SACS: variants seen among roughly 807,000 people sequenced by gnomAD.
SACS encodes the protein sacsin.
SACS carries 197 observed loss-of-function variants against 348.0 expected under a neutral mutation model. The observed-to-expected ratio is 0.57, with a 90% CI of 0.50 to 0.64. SACS has a LOEUF of 0.64. Ranked by LOEUF, SACS falls within the 30% of genes least tolerant of loss-of-function variation. The pLI is 0.00. For synonymous variants in SACS, 1,985 were observed against 1,910.6 expected (o/e 1.04, Z -1.02); for missense variants, 4,999 against 5,360.8 (o/e 0.93, Z 2.11).
At chr13:23,371,869 G>A (rs571042062) in intron 3 of SACS, among the ~76,000 whole-genome samples, 1 of 152,346 alleles carries the variant, frequency 6.6e-6, no homozygotes, top group Non-Finnish European at 1.5e-5. Context: ...AAGATGCACA[G>A]AGGTAAGTAC....
chr13:23,423,694 C>T (rs969325614), intron 1 of SACS, among the ~76,000 whole-genome samples: 3 of 152,112 alleles, frequency 2.0e-5, no homozygotes, highest in Non-Finnish European at 2.9e-5. Flanking sequence ...TCCAAACACA[C>T]ATTTTGTGGA....
At position 23,355,895 on chromosome 13, in the gene SACS, T is replaced by G. The variant is rs1197760629; in HGVS notation, c.717A>C (p.Glu239Asp). ...QCWNLKDDSKEISELSDQFAP... is the reference protein window; with the variant it reads ...QCWNLKDDSKDISELSDQFAP... ...CAAACTGGTCTGAAAGTTCACTAATTTCTTTGCTGTCATCTTTGAGATTCC... is the reference window on the plus strand; with the variant it reads ...CAAACTGGTCTGAAAGTTCACTAATGTCTTTGCTGTCATCTTTGAGATTCC... The change falls in exon 8 of 10, where the codon GAA (glutamate) becomes GAC (aspartate). Residue 239 changes from glutamate to aspartate, a missense_variant. Glu to Asp is a conservative substitution (Grantham distance 45, BLOSUM62 2). Around this residue, in one of 6 missense-constraint regions of SACS, gnomAD observed 3,156 missense variants for 3,380.1 expected, o/e 0.93. Coordinates refer to ENST00000382292, the MANE Select transcript of SACS (RefSeq NM_014363.6). 1 of 1,614,202 alleles carries G rather than the reference T, an allele frequency of 6.2e-7. No homozygotes were observed. Among genetic ancestry groups the G allele is most frequent in the Admixed American group, 1.7e-5 (1 of 60,026 alleles).
intron 8 of SACS, among the ~76,000 whole-genome samples, chr13:23,354,112 T>C (rs1013652492): frequency 6.6e-6 from 1 of 152,236 alleles, no homozygotes; most frequent in Non-Finnish European, 1.5e-5. Flanking sequence ...CATCTTACAG[T>C]AAAATTAATT....
At chr13:23,412,731 A>T (rs1873544455) in intron 1 of SACS, among the ~76,000 whole-genome samples, 1 of 152,010 alleles carries the variant, frequency 6.6e-6, no homozygotes, top group Non-Finnish European at 1.5e-5. Context: ...CTACAACTTT[A>T]TGTGTACAAT....
chr13:23,416,207 A>C (rs1873684043), intron 1 of SACS, among the ~76,000 whole-genome samples: 1 of 149,370 alleles, frequency 6.7e-6, no homozygotes, highest in South Asian at 2.1e-4. Flanking sequence ...ACTTGAACCC[A>C]CTAGGCGGAG....
At chr13:23,343,901 A>C (rs1869437030) in intron 9 of SACS, among the ~76,000 whole-genome samples, 1 of 152,214 alleles carries the variant, frequency 6.6e-6, no homozygotes, top group South Asian at 2.1e-4. Context: ...ATAGAAATTT[A>C]ATAAGCAAGG....
At chr13:23,375,394 CCT>C in intron 2 of SACS, 125 bp from the exon 3 acceptor site, 1 of 1,238,278 alleles carries the variant, frequency 8.1e-7, no homozygotes, top group Non-Finnish European at 1.0e-6. Context: ...AGCGCCCGCC[CCT>C]GACGCCGGCG....
intron 1 of SACS, among the ~76,000 whole-genome samples, chr13:23,414,922 C>G (rs1015573484): frequency 6.6e-6 from 1 of 152,220 alleles, no homozygotes; most frequent in Non-Finnish European, 1.5e-5. Flanking sequence ...CATGACTTGT[C>G]CTTGATACAC....
At chr13:23,358,541 C>T (rs1593147983) in intron 6 of SACS, 60 bp from the exon 7 acceptor site, 1 of 1,564,360 alleles carries the variant, frequency 6.4e-7, no homozygotes, top group Non-Finnish European at 8.8e-7. Context: ...TCTGTTCTAT[C>T]TCAAGAGATC....
In SACS at chr13:23,338,251, A is replaced by G. The variant is rs1241658594; in HGVS notation, c.5625T>C (p.Pro1875=). 1.2e-5 allele frequency: 19 copies of G among 1,614,000 alleles called. No homozygotes were observed. The Admixed American group carries it at 3.2e-4, about 27-fold the overall frequency. ...CTGGCAAGCCTGTTTTTATTCGTAA[A>G]GGTAAATAGCAAAACACCTCTCCAA... The part of the protein sequence containing the change: ...PHIGEVFCYL[P]LRIKTGLPVH... Residue 1875 remains proline, a synonymous_variant, in exon 10 of 10, where the codon CCT becomes CCC. Transcript: ENST00000382292.
At position 23,339,942 on chromosome 13, in the gene SACS, C is replaced by T; in HGVS notation, c.3934G>A (p.Ala1312Thr). The stretch of plus-strand genomic sequence containing the variant: ...ACCTTAAATAGTTGGTGGAATTTTG[C>T]CATGGTTTTAGGTACATTATGCAAA... ...PYLHNVPKTM[A>T]KFHQLFKVCG... The change falls in exon 10 of 10, where the codon GCA becomes ACA. Residue 1312 changes from alanine (A) to threonine (T), a missense_variant. By Grantham distance (58) the Ala-to-Thr change is moderately conservative. Around this residue, in one of 6 missense-constraint regions of SACS, gnomAD observed 3,156 missense variants for 3,380.1 expected, o/e 0.93. Coordinates refer to ENST00000382292, the MANE Select transcript of SACS (RefSeq NM_014363.6). 6.2e-7 allele frequency: 1 copy of T among 1,613,942 alleles called. No individual in the cohort carries two copies. The highest frequency in any genetic ancestry group is 8.5e-7 in the Non-Finnish European group (1 of 1,179,966).
chr13:23,417,940 G>C (rs961986176), intron 1 of SACS, among the ~76,000 whole-genome samples: 1 of 151,608 alleles, frequency 6.6e-6, no homozygotes, highest in Non-Finnish European at 1.5e-5. Context: ...ATGGTGGCAC[G>C]CACTTGTAGT....
Position 23,339,348 on chromosome 13 carries a change from G to T in SACS, c.4528C>A (p.Leu1510Ile). Residue 1510 changes from leucine to isoleucine, a missense_variant, in exon 10 of 10, where the codon CTA (leucine) becomes ATA (isoleucine). This residue lies in a region of SACS where 3,156 missense variants were observed against 3,380.1 expected (regional missense o/e 0.93). Transcript: ENST00000382292. ...RRNMDIRENL[L>I]DPGMAACHGP... ...TGACAAGCTGCCATCCCTGGGTCTAGGAGATTCTCTCTTATGTCCATATTT... is the reference window on the plus strand; with the variant it reads ...TGACAAGCTGCCATCCCTGGGTCTATGAGATTCTCTCTTATGTCCATATTT... 1 of 1,613,424 alleles carries T rather than the reference G, an allele frequency of 6.2e-7. No homozygotes were observed. Among genetic ancestry groups the T allele is most frequent in the Non-Finnish European group, 8.5e-7 (1 of 1,179,772 alleles).
intron 2 of SACS, among the ~76,000 whole-genome samples, chr13:23,391,390 G>C (rs17078705): frequency 0.019 from 2,961 of 152,280 alleles, 102 homozygotes; most frequent in African/African-American, 0.068. Context: ...TTGGGCAACA[G>C]GGCTGTGGTC....
intron 9 of SACS, chr13:23,346,942 T>C (rs1293288384): frequency 3.9e-6 from 1 of 256,720 alleles, no homozygotes; most frequent in Non-Finnish European, 6.1e-6. Flanking sequence ...GTCTGTAGAA[T>C]CTTTACAGAT....
chr13:23,353,973 TTTTA>T (rs1168619828), intron 8 of SACS, 97 bp from the exon 9 acceptor site: 15 of 778,180 alleles, frequency 1.9e-5, no homozygotes, highest in Non-Finnish European at 3.5e-5. Context: ...AAGCCGACTA[TTTTA>T]TTTTACATAA....
chr13:23,329,099 C>T lies in SACS; in HGVS notation c.*1037G>A, dbSNP rs533740245. 1.2e-4 allele frequency: 28 copies of T among 239,930 alleles called. No individual in the cohort carries two copies. In the East Asian group the frequency reaches 1.7e-3, roughly 15 times the overall value. The allele number at this position is 239,930 out of a possible 1,614,324, so 14.9% of individuals were successfully genotyped here. On this transcript the variant is annotated 3_prime_UTR_variant, in exon 10 of 10. Coordinates refer to ENST00000382292, the MANE Select transcript of SACS (RefSeq NM_014363.6). ...AATATGTTAAAGTAAAGAAGCATGG[C>T]GAGACAAACATGAATTAAATGTCAG... is the stretch of plus-strand genomic sequence containing the variant.
Position 23,337,241 on chromosome 13 carries a change from G to C in SACS, c.6635C>G (p.Thr2212Arg), listed in dbSNP as rs1868710425. 1 of 1,613,730 alleles carries C rather than the reference G, an allele frequency of 6.2e-7. No individual in the cohort carries two copies. ...TGTCAGAAATGGAAGGAAGCGGATT[G>C]TTTGATATTTTGCAGCAAAATCCTT... ...RAKDFAAKYQ[T>R]IRFLPFLTKP... The change falls in exon 10 of 10, where the codon ACA (threonine) becomes AGA (arginine). Residue 2212 changes from threonine (T) to arginine (R), a missense_variant. Thr to Arg is a moderately conservative substitution (Grantham distance 71, BLOSUM62 -1). This residue lies in a region of SACS where 3,156 missense variants were observed against 3,380.1 expected (regional missense o/e 0.93). Transcript: ENST00000382292.
In SACS at chr13:23,339,402, C is replaced by T; in HGVS notation, c.4474G>A (p.Glu1492Lys). 6.2e-7 allele frequency: 1 copy of T among 1,611,882 alleles called. No individual in the cohort carries two copies. The highest frequency in any genetic ancestry group is 2.2e-5 in the East Asian group (1 of 44,858). Residue 1492 changes from glutamate to lysine, a missense_variant, in exon 10 of 10, where the codon GAA becomes AAA. This residue lies in a region of SACS where 3,156 missense variants were observed against 3,380.1 expected (regional missense o/e 0.93). Transcript: ENST00000382292. ...CTCATATCAATCAAGAAACTGCATT[C>T]TGTTGCATTTGCATCATCAGCGTTT... Reference protein sequence around the residue: ...LQNADDANATECSFLIDMRRN... With the variant: ...LQNADDANATKCSFLIDMRRN...
Sources: gnomAD v4.1 joint callset for allele counts (sites outside exome capture counted in the v4.1 genomes callset) on GRCh38, gnomAD v4.1.1 for gene constraint, gnomAD v4.1.1 regional missense constraint, MANE v1.5 for transcripts, NCBI Gene and HGNC (gene_info 2026-07-23, HGNC 2026-07-21) for gene names.